PDE4B: variants seen among roughly 807,000 people sequenced by gnomAD.
The protein encoded by PDE4B is 3',5'-cyclic-AMP phosphodiesterase 4B.
A neutral mutation model predicts 82.2 loss-of-function variants in PDE4B; 20 were observed. The observed-to-expected ratio is 0.24, with a 90% CI of 0.17 to 0.35. PDE4B has a LOEUF of 0.35. PDE4B is among the 10% of genes least tolerant of loss of function. The pLI, the probability that PDE4B is intolerant of heterozygous loss-of-function variation, is 1.00. For synonymous variants in PDE4B, 320 were observed against 318.9 expected, an observed-to-expected ratio of 1.00 and a Z score of -0.04; for missense variants, 655 against 907.2, an observed-to-expected ratio of 0.72 and a Z score of 3.57.
chr1:65,987,285 T>C (rs544903563), intron 3 of PDE4B, among the ~76,000 whole-genome samples: 7 of 152,298 alleles, frequency 4.6e-5, no homozygotes, highest in Non-Finnish European at 7.4e-5. Context: ...AAACTGATCT[T>C]TCTGAAGCAC....
chr1:66,315,177 C>T (rs980689634), intron 7 of PDE4B, among the ~76,000 whole-genome samples: 2 of 152,162 alleles, frequency 1.3e-5, no homozygotes, highest in African/African-American at 4.8e-5. Flanking sequence ...ATATTTTGTT[C>T]AGGGTTGACT....
intron 8 of PDE4B, among the ~76,000 whole-genome samples, chr1:66,352,538 G>T (rs529994390): frequency 6.6e-6 from 1 of 152,158 alleles, no homozygotes; most frequent in Non-Finnish European, 1.5e-5. Context: ...AGCCTTTTAT[G>T]ATTCAGTTTC....
intron 1 of PDE4B, among the ~76,000 whole-genome samples, chr1:65,835,648 G>A (rs1557770879): frequency 6.6e-6 from 1 of 152,186 alleles, no homozygotes; most frequent in South Asian, 2.1e-4. Context: ...GACCAGTTTG[G>A]CCACATTTAA....
chr1:66,006,703 T>G, intron 3 of PDE4B, among the ~76,000 whole-genome samples: 1 of 152,108 alleles, frequency 6.6e-6, no homozygotes, highest in East Asian at 1.9e-4. Flanking sequence ...GTTCTCATGA[T>G]AGTGGGTGAG....
intron 1 of PDE4B, among the ~76,000 whole-genome samples, chr1:65,804,629 G>A (rs1172985108): frequency 1.3e-5 from 2 of 151,962 alleles, no homozygotes; most frequent in Non-Finnish European, 2.9e-5. Flanking sequence ...AATGAAGAGG[G>A]GAATAGGGGA....
At chr1:66,173,440 C>T (rs918124801) in intron 3 of PDE4B, among the ~76,000 whole-genome samples, 1 of 152,132 alleles carries the variant, frequency 6.6e-6, no homozygotes, top group African/African-American at 2.4e-5. Context: ...CCATTGAAAT[C>T]GAATTGTATT....
At chr1:66,181,955 C>G (rs1647074010) in intron 3 of PDE4B, among the ~76,000 whole-genome samples, 1 of 151,978 alleles carries the variant, frequency 6.6e-6, no homozygotes, top group Admixed American at 6.6e-5. Flanking sequence ...AGAGCAAAGA[C>G]CTTTACTTTA....
At chr1:66,012,568 G>C (rs1453692997) in intron 3 of PDE4B, among the ~76,000 whole-genome samples, 1 of 152,082 alleles carries the variant, frequency 6.6e-6, no homozygotes, top group Non-Finnish European at 1.5e-5. Context: ...GCCGTTTGAA[G>C]CTCCTAGGGC....
intron 1 of PDE4B, among the ~76,000 whole-genome samples, chr1:65,806,188 A>G (rs1323798286): frequency 6.6e-6 from 1 of 152,136 alleles, no homozygotes. Flanking sequence ...TGACTTTGAA[A>G]CAAGTGCTAA....
At chr1:66,215,669 T>A (rs1453478194) in intron 3 of PDE4B, among the ~76,000 whole-genome samples, 1 of 152,102 alleles carries the variant, frequency 6.6e-6, no homozygotes, top group African/African-American at 2.4e-5. Flanking sequence ...AAGCTGAACA[T>A]GCCCCCAGGT....
intron 3 of PDE4B, among the ~76,000 whole-genome samples, chr1:66,228,172 C>A (rs977274053): frequency 6.6e-6 from 1 of 152,150 alleles, no homozygotes; most frequent in Non-Finnish European, 1.5e-5. Context: ...TTAACCTGAC[C>A]ACCTGTTCAA....
chr1:65,846,990 C>T (rs1463284625), intron 1 of PDE4B, among the ~76,000 whole-genome samples: 2 of 152,092 alleles, frequency 1.3e-5, no homozygotes, highest in Non-Finnish European at 2.9e-5. Context: ...AACAAAGCAG[C>T]AATATGACAT....
intron 3 of PDE4B, among the ~76,000 whole-genome samples, chr1:66,126,097 C>T (rs992822912): frequency 1.3e-5 from 2 of 152,168 alleles, no homozygotes; most frequent in Non-Finnish European, 2.9e-5. Context: ...TGAGCCACTG[C>T]GCCCACCCAA....
chr1:65,887,247 T>TTTCTTTTTC lies in PDE4B; in HGVS notation c.-70-25996_-70-25995insCTTTTTCTT, dbSNP rs1297971405. The stretch of plus-strand genomic sequence containing the variant: ...CTTTCTTTCTTTCTTTCTTTCTTTC[T>TTTCTTTTTC]TTTCTTTCTTTCTTTCCTTCCTTCT... On this transcript the variant is annotated intron_variant, in intron 1 of 16. Coordinates refer to ENST00000341517, the MANE Select transcript of PDE4B (RefSeq NM_002600.4). Among the ~76,000 whole-genome samples, 279 of 37,720 alleles carry TTTCTTTTTC rather than the reference T, an allele frequency of 7.4e-3. 19 individuals carry two copies. Among genetic ancestry groups the TTTCTTTTTC allele is most frequent in the African/African-American group, 0.029 (269 of 9,438 alleles). 24.7% of individuals were successfully genotyped at this position (37,720 alleles called of 152,430 possible).
intron 3 of PDE4B, among the ~76,000 whole-genome samples, chr1:66,222,805 G>T (rs189821058): frequency 2.5e-4 from 38 of 152,230 alleles, no homozygotes; most frequent in African/African-American, 8.9e-4. Flanking sequence ...AATGTGAGTT[G>T]TTCCTCTAGC....
At chr1:65,979,833 GTTGT>G (rs1431911213) in intron 3 of PDE4B, among the ~76,000 whole-genome samples, 2 of 152,054 alleles carry the variant, frequency 1.3e-5, no homozygotes, top group Non-Finnish European at 1.5e-5. Flanking sequence ...AAAGGTCTCT[GTTGT>G]TTCAGGGCTT....
chr1:65,976,676 G>A (rs1329817491), intron 3 of PDE4B, among the ~76,000 whole-genome samples: 1 of 152,250 alleles, frequency 6.6e-6, no homozygotes, highest in South Asian at 2.1e-4. Flanking sequence ...TTGTGATAGT[G>A]AGTGAGTTCT....
intron 3 of PDE4B, among the ~76,000 whole-genome samples, chr1:66,108,053 T>C (rs900671129): frequency 1.3e-5 from 2 of 151,960 alleles, no homozygotes; most frequent in African/African-American, 4.8e-5. Flanking sequence ...CCTCACATAC[T>C]TATTTCTTTG....
chr1:65,897,364 A>G (rs923262162), intron 1 of PDE4B, among the ~76,000 whole-genome samples: 3 of 152,108 alleles, frequency 2.0e-5, no homozygotes, highest in African/African-American at 7.2e-5. Flanking sequence ...CTGTCTTCCT[A>G]AAGGCATGCA....
Sources: allele counts gnomAD v4.1 joint callset (sites outside exome capture counted in the v4.1 genomes callset), GRCh38; gene constraint gnomAD v4.1.1; transcripts MANE v1.5; gene names NCBI Gene and HGNC (gene_info 2026-07-23, HGNC 2026-07-21).